The following CYRIA variants were observed in gnomAD, a reference collection of about 807,000 sequenced individuals.
The protein encoded by CYRIA is CYFIP-related Rac1 interactor A.
CYRIA carries 15 observed loss-of-function variants against 43.9 expected under a neutral mutation model. The ratio of observed to expected loss-of-function variants is 0.34; its 90% CI spans 0.23 to 0.53. CYRIA has a LOEUF of 0.53. Among genes scored for constraint, CYRIA ranks in the 20% least tolerant of loss-of-function variants. The pLI, the probability that CYRIA is intolerant of heterozygous loss-of-function variation, is 0.94. For synonymous variants in CYRIA, 117 were observed against 136.0 expected (o/e 0.86, Z 0.97); for missense variants, 236 against 394.2 (o/e 0.60, Z 3.40).
intron 2 of CYRIA, among the ~76,000 whole-genome samples, chr2:16,589,876 G>A (rs1667860917): frequency 6.6e-6 from 1 of 152,010 alleles, no homozygotes; most frequent in Non-Finnish European, 1.5e-5. Context: ...AAACATTATA[G>A]TTATCTGAAT....
At chr2:16,647,353 G>A (rs1393754715) in intron 1 of CYRIA, among the ~76,000 whole-genome samples, 3 of 152,108 alleles carry the variant, frequency 2.0e-5, no homozygotes, top group Non-Finnish European at 4.4e-5. Flanking sequence ...TTTGAAGCAG[G>A]TCTGGAGTAT....
At chr2:16,593,042 T>C (rs1667983478) in intron 2 of CYRIA, among the ~76,000 whole-genome samples, 1 of 152,190 alleles carries the variant, frequency 6.6e-6, no homozygotes, top group South Asian at 2.1e-4. Context: ...TAATAGTATC[T>C]CCTGCATGGA....
chr2:16,611,960 C>T (rs1668619202), intron 2 of CYRIA, among the ~76,000 whole-genome samples: 1 of 152,176 alleles, frequency 6.6e-6, no homozygotes, highest in Non-Finnish European at 1.5e-5. Context: ...TCCTGCCAGG[C>T]CACGATGCCT....
chr2:16,606,494 A>G (rs1306563539), intron 2 of CYRIA, among the ~76,000 whole-genome samples: 1 of 151,878 alleles, frequency 6.6e-6, no homozygotes, highest in Non-Finnish European at 1.5e-5. Flanking sequence ...CACATATACA[A>G]CTAATTCTGG....
At chr2:16,614,437 A>G (rs991341645) in intron 2 of CYRIA, among the ~76,000 whole-genome samples, 2 of 152,236 alleles carry the variant, frequency 1.3e-5, no homozygotes, top group African/African-American at 2.4e-5. Context: ...CTGATGACTC[A>G]GCGATGCTCT....
At chr2:16,664,478 C>G (rs1435388929) in intron 1 of CYRIA, among the ~76,000 whole-genome samples, 1 of 152,178 alleles carries the variant, frequency 6.6e-6, no homozygotes, top group African/African-American at 2.4e-5. Flanking sequence ...GTCAGAAGCA[C>G]GCAGGAAAAA....
At chr2:16,646,476 T>G (rs1163951274) in intron 1 of CYRIA, among the ~76,000 whole-genome samples, 1 of 152,164 alleles carries the variant, frequency 6.6e-6, no homozygotes, top group African/African-American at 2.4e-5. Context: ...AGCTGATCAG[T>G]GCAAGGAAAA....
chr2:16,601,378 A>G (rs75076187), intron 2 of CYRIA, among the ~76,000 whole-genome samples: 2,808 of 152,286 alleles, frequency 0.018, 101 homozygotes, highest in African/African-American at 0.065. Context: ...CAATCCTCCA[A>G]AAACAGAGAA....
intron 2 of CYRIA, among the ~76,000 whole-genome samples, chr2:16,612,844 T>A (rs2103493498): frequency 6.6e-6 from 1 of 152,350 alleles, no homozygotes; most frequent in Admixed American, 6.5e-5. Context: ...GTAGGTCCCA[T>A]AATCCCGACA....
chr2:16,582,274 T>A (rs1667577749), intron 3 of CYRIA, among the ~76,000 whole-genome samples: 1 of 152,198 alleles, frequency 6.6e-6, no homozygotes, highest in Non-Finnish European at 1.5e-5. Flanking sequence ...CGGAATAATG[T>A]CAGCATTAGG....
chr2:16,588,682 G>C (rs936701061), intron 2 of CYRIA, among the ~76,000 whole-genome samples: 8 of 152,096 alleles, frequency 5.3e-5, no homozygotes, highest in African/African-American at 1.9e-4. Flanking sequence ...AAGCTCACGA[G>C]GAATAGAGTT....
chr2:16,593,411 A>G (rs959673849), intron 2 of CYRIA, among the ~76,000 whole-genome samples: 18 of 152,196 alleles, frequency 1.2e-4, no homozygotes, highest in Non-Finnish European at 1.5e-5. Flanking sequence ...TACATGGGGC[A>G]GATATATATT....
intron 1 of CYRIA, among the ~76,000 whole-genome samples, chr2:16,635,293 G>C (rs1013945484): frequency 3.9e-5 from 6 of 152,146 alleles, no homozygotes; most frequent in African/African-American, 1.2e-4. Flanking sequence ...ATCCTGATGG[G>C]GAGATAGTCT....
chr2:16,572,687 A>ATTTG (rs1667179261), intron 3 of CYRIA, among the ~76,000 whole-genome samples: 1 of 152,184 alleles, frequency 6.6e-6, no homozygotes, highest in Admixed American at 6.5e-5. Context: ...TTAAGAGTAC[A>ATTTG]ATGATTTGAA....
At chr2:16,629,952 C>T (rs372336267) in intron 1 of CYRIA, among the ~76,000 whole-genome samples, 10 of 152,226 alleles carry the variant, frequency 6.6e-5, no homozygotes, top group Admixed American at 3.3e-4. Flanking sequence ...GGAAGCCGAG[C>T]ATGGAAGAAG....
Position 16,585,168 on chromosome 2 carries a change from C to A in CYRIA, c.70+2882G>T, listed in dbSNP as rs141268436. ...CGATAGCAGCCCACCTTCCCTACCC[C>A]TCCAGCCCATCATCATTTCTTGAAA... On this transcript the variant is annotated intron_variant, in intron 3 of 11. Transcript: ENST00000381323. Among the ~76,000 whole-genome samples, 189 of 152,228 alleles carry A rather than the reference C, an allele frequency of 1.2e-3. 1 individual carries two copies. In the East Asian group the frequency reaches 0.029, roughly 23 times the overall value.
At chr2:16,587,556 G>T (rs1390782304) in intron 3 of CYRIA, among the ~76,000 whole-genome samples, 2 of 151,952 alleles carry the variant, frequency 1.3e-5, no homozygotes, top group Non-Finnish European at 2.9e-5. Flanking sequence ...CATTAGAAAT[G>T]ATTTCAGAAA....
intron 4 of CYRIA, among the ~76,000 whole-genome samples, chr2:16,564,457 T>C (rs1666858361): frequency 6.6e-6 from 1 of 152,238 alleles, no homozygotes; most frequent in Non-Finnish European, 1.5e-5. Flanking sequence ...ATTTTGTTTA[T>C]CTTTAATAGG....
rs115084320 is a variant in CYRIA at position 16,650,371 on chromosome 2, G to A, written c.-167+15409C>T. ...ATATACTCAGCTGAATGAGTATATA[G>A]TATAAAACAAGACTGACTCACTTCA... On this transcript the variant is annotated intron_variant, in intron 1 of 11. Coordinates refer to ENST00000381323, the MANE Select transcript of CYRIA (RefSeq NM_030797.4). This position sits in a 1 kb window ranked among gnomAD's most constrained non-coding sequence, Gnocchi z 4.1. Among the ~76,000 whole-genome samples the A allele has an allele frequency of 5.8e-3, 877 of 152,298 alleles. 7 individuals carry two copies. The highest frequency in any genetic ancestry group is 0.02 in the African/African-American group (839 of 41,542).
Sources: gnomAD v4.1 joint callset for allele counts (sites outside exome capture counted in the v4.1 genomes callset) on GRCh38, gnomAD v4.1.1 for gene constraint, Gnocchi (gnomAD v3.1) non-coding constraint, MANE v1.5 for transcripts, NCBI Gene and HGNC (gene_info 2026-07-23, HGNC 2026-07-21) for gene names.